Variants in EYA4 observed in about 807,000 individuals in gnomAD.
EYA4 encodes protein phosphatase EYA4.
EYA4 carries 31 observed loss-of-function variants against 87.9 expected under a neutral mutation model. The ratio of observed to expected loss-of-function variants is 0.35; its 90% CI spans 0.27 to 0.48. The LOEUF (loss-of-function observed/expected upper bound fraction) is 0.48. Ranked by LOEUF, EYA4 falls within the 20% of genes least tolerant of loss-of-function variation. The pLI is 0.99. For missense variants in EYA4, 678 were observed against 761.4 expected, an observed-to-expected ratio of 0.89 and a Z score of 1.29; for synonymous variants, 263 against 270.6, an observed-to-expected ratio of 0.97 and a Z score of 0.28.
At chr6:133,303,578 G>C (rs1779578894) in intron 2 of EYA4, among the ~76,000 whole-genome samples, 1 of 152,114 alleles carries the variant, frequency 6.6e-6, no homozygotes, top group South Asian at 2.1e-4. Flanking sequence ...TATTTCTGGG[G>C]TTAGTTGTAG....
intron 3 of EYA4, among the ~76,000 whole-genome samples, chr6:133,398,319 T>C (rs1377713632): frequency 1.3e-5 from 2 of 152,318 alleles, no homozygotes; most frequent in African/African-American, 4.8e-5. Context: ...TCTGGGTGTC[T>C]TTTACTTTCT....
At chr6:133,247,288 A>T (rs761881029) in intron 1 of EYA4, 1 of 152,202 alleles carries the variant, frequency 6.6e-6, no homozygotes, top group Non-Finnish European at 1.5e-5. Flanking sequence ...ATTATCAAGA[A>T]CTTATGACCA....
chr6:133,264,627 C>T (rs1776061283), intron 1 of EYA4, among the ~76,000 whole-genome samples: 1 of 152,196 alleles, frequency 6.6e-6, no homozygotes, highest in African/African-American at 2.4e-5. Flanking sequence ...GAGTCAGTGA[C>T]AAAGCCTAGG....
intron 2 of EYA4, among the ~76,000 whole-genome samples, chr6:133,349,036 G>A (rs1422056567): frequency 6.6e-6 from 1 of 152,088 alleles, no homozygotes; most frequent in Non-Finnish European, 1.5e-5. Context: ...ATTCACCCTA[G>A]CCAAAATAGC....
rs185535149 is a variant in EYA4, at chr6:133,512,357, A to T, written c.1282-364A>T. Among the ~76,000 whole-genome samples the T allele has an allele frequency of 3.6e-3, 553 of 152,336 alleles. 3 individuals carry two copies. Among genetic ancestry groups the T allele is most frequent in the African/African-American group, 0.013 (521 of 41,586 alleles). On this transcript the variant is annotated intron_variant, in intron 14 of 19. Coordinates refer to ENST00000355286, the MANE Select transcript of EYA4 (RefSeq NM_004100.5). ...CAGACTAAGTTTTGTGTATCTTCAG[A>T]TTAGCCATGCTTAAGTATGCACAAC... is the stretch of plus-strand genomic sequence containing the variant.
chr6:133,353,350 G>A (rs1295125118), intron 2 of EYA4, among the ~76,000 whole-genome samples: 1 of 152,084 alleles, frequency 6.6e-6, no homozygotes, highest in Non-Finnish European at 1.5e-5. Flanking sequence ...GTTCTGTTAG[G>A]TGACAAATGT....
At chr6:133,255,859 A>G (rs1314527259) in intron 1 of EYA4, among the ~76,000 whole-genome samples, 1 of 152,064 alleles carries the variant, frequency 6.6e-6, no homozygotes, top group East Asian at 1.9e-4. Context: ...ATTACTAAGT[A>G]TGTTGCACTG....
intron 3 of EYA4, among the ~76,000 whole-genome samples, chr6:133,388,321 C>T (rs159414): frequency 0.4 from 60,486 of 150,852 alleles, 15,150 homozygotes; most frequent in South Asian, 0.57. Context: ...GCACGAGAAT[C>T]GCTTGAACCT....
chr6:133,463,332 T>C (rs1794563343), intron 9 of EYA4, among the ~76,000 whole-genome samples: 1 of 150,854 alleles, frequency 6.6e-6, no homozygotes, highest in Non-Finnish European at 1.5e-5. Flanking sequence ...AATTTTAGAC[T>C]CCTATTAAAA....
chr6:133,323,974 G>A (rs1465835564), intron 2 of EYA4, among the ~76,000 whole-genome samples: 1 of 151,652 alleles, frequency 6.6e-6, no homozygotes, highest in Non-Finnish European at 1.5e-5. Context: ...GAACTTTTTG[G>A]GATTAAAACT....
chr6:133,415,568 C>A (rs950888044), intron 3 of EYA4, among the ~76,000 whole-genome samples: 1 of 152,114 alleles, frequency 6.6e-6, no homozygotes, highest in Non-Finnish European at 1.5e-5. Context: ...ACACATGTGC[C>A]AATTATATTT....
At chr6:133,321,058 C>T (rs544422493) in intron 2 of EYA4, among the ~76,000 whole-genome samples, 22 of 152,194 alleles carry the variant, frequency 1.4e-4, no homozygotes, top group African/African-American at 4.8e-4. Flanking sequence ...TATTGTCTTC[C>T]GCCTAGGACA....
At chr6:133,525,283 A>C in intron 19 of EYA4, 29 bp downstream of exon 19, 1 of 1,558,904 alleles carries the variant, frequency 6.4e-7, no homozygotes, top group Non-Finnish European at 8.8e-7. Context: ...TGTCGGTGTG[A>C]TACTTCTAAT....
Position 133,506,131 on chromosome 6 carries a change from G to A in EYA4, c.1217G>A (p.Gly406Glu). 6.2e-7 allele frequency: 1 copy of A among 1,611,282 alleles called. No homozygotes were observed. Among genetic ancestry groups the A allele is most frequent in the Non-Finnish European group, 8.5e-7 (1 of 1,177,592 alleles). ...GKDPPMAVTLGLRMEEMIFNL... is the reference protein window; with the variant it reads ...GKDPPMAVTLELRMEEMIFNL... Reference sequence around the variant, plus strand: ...GATCCCCCCATGGCTGTAACCCTTGGACTCCGCATGGAAGAAATGATTTTT... The same window carrying A: ...GATCCCCCCATGGCTGTAACCCTTGAACTCCGCATGGAAGAAATGATTTTT... The change falls in exon 14 of 20, where the codon GGA becomes GAA. Residue 406 changes from glycine (G) to glutamate (E), a missense_variant. By Grantham distance (98) the Gly-to-Glu change is moderately conservative. Transcript: ENST00000355286.
At chr6:133,408,182 A>C (rs1479075440) in intron 3 of EYA4, among the ~76,000 whole-genome samples, 1 of 152,206 alleles carries the variant, frequency 6.6e-6, no homozygotes, top group Admixed American at 6.5e-5. Flanking sequence ...GCCCCTTTGC[A>C]TGGTGAACAG....
intron 2 of EYA4, among the ~76,000 whole-genome samples, chr6:133,324,486 T>C (rs1326307951): frequency 2.0e-5 from 3 of 152,202 alleles, no homozygotes; most frequent in African/African-American, 4.8e-5. Context: ...TTTTCAAGTA[T>C]TTATTATTTT....
chr6:133,495,798 T>G (rs1327513855), intron 13 of EYA4, among the ~76,000 whole-genome samples: 1 of 152,110 alleles, frequency 6.6e-6, no homozygotes, highest in Non-Finnish European at 1.5e-5. Flanking sequence ...TTCAAGAGGT[T>G]TGAGGTGGGA....
intron 2 of EYA4, among the ~76,000 whole-genome samples, chr6:133,296,675 G>A (rs1358937981): frequency 6.6e-6 from 1 of 152,124 alleles, no homozygotes; most frequent in Non-Finnish European, 1.5e-5. Flanking sequence ...AAAGAGTTCA[G>A]TTTTTGTATG....
chr6:133,524,851 GT>G (rs995334368), intron 18 of EYA4, among the ~76,000 whole-genome samples: 2 of 152,140 alleles, frequency 1.3e-5, no homozygotes, highest in African/African-American at 4.8e-5. Context: ...TTAATCATCT[GT>G]CCGAAGTAAC....
Sources: gnomAD v4.1 joint callset for allele counts (sites outside exome capture counted in the v4.1 genomes callset) on GRCh38, gnomAD v4.1.1 for gene constraint, MANE v1.5 for transcripts, NCBI Gene and HGNC (gene_info 2026-07-23, HGNC 2026-07-21) for gene names.